CTDP1: variants seen among roughly 807,000 people sequenced by gnomAD.
CTDP1 encodes CTD phosphatase 1.
In CTDP1, 47 loss-of-function variants were observed where a neutral mutation model predicts 91.8. That is an observed-to-expected ratio of 0.51 (90% confidence interval 0.41 to 0.65). The LOEUF (loss-of-function observed/expected upper bound fraction) is 0.65. CTDP1 is among the 30% of genes least tolerant of loss of function. The probability of loss-of-function intolerance (pLI) is 0.00; values close to 1 mark genes in which losing one functional copy is unlikely to be tolerated. For synonymous variants in CTDP1, 656 were observed against 598.5 expected, an observed-to-expected ratio of 1.10 and a Z score of -1.40; for missense variants, 1,272 against 1,373.7, an observed-to-expected ratio of 0.93 and a Z score of 1.17.
intron 3 of CTDP1, among the ~76,000 whole-genome samples, chr18:79,696,297 C>T (rs941245813): frequency 5.3e-5 from 8 of 152,306 alleles, no homozygotes; most frequent in South Asian, 2.1e-4. Context: ...CTCAGGGCCC[C>T]GAGGCTGTGT....
At chr18:79,682,330 G>T (rs2085390963) in intron 1 of CTDP1, among the ~76,000 whole-genome samples, 1 of 152,212 alleles carries the variant, frequency 6.6e-6, no homozygotes, top group African/African-American at 2.4e-5. Flanking sequence ...GAACAGGGTG[G>T]GTTACAAGTG....
At chr18:79,684,546 G>T (rs1201332955) in intron 1 of CTDP1, among the ~76,000 whole-genome samples, 1 of 150,518 alleles carries the variant, frequency 6.6e-6, no homozygotes, top group East Asian at 2.0e-4. Context: ...CAGGCAAGGT[G>T]GGTCCCTGCT....
intron 12 of CTDP1, among the ~76,000 whole-genome samples, chr18:79,739,666 A>T (rs575682040): frequency 6.6e-6 from 1 of 152,242 alleles, no homozygotes; most frequent in Admixed American, 6.5e-5. Context: ...GTTTCACTCT[A>T]TGTCTTACAG....
At chr18:79,700,046 AC>A (rs907722224) in intron 4 of CTDP1, among the ~76,000 whole-genome samples, 2 of 152,102 alleles carry the variant, frequency 1.3e-5, no homozygotes, top group African/African-American at 4.8e-5. Context: ...CCCACATAAG[AC>A]GGCAAACGTA....
intron 3 of CTDP1, among the ~76,000 whole-genome samples, 185 bp from the exon 4 acceptor site, chr18:79,697,675 A>G (rs560493703): frequency 3.3e-4 from 51 of 152,332 alleles, no homozygotes; most frequent in African/African-American, 1.1e-3. Flanking sequence ...TGTGGTCACA[A>G]GCGAGGTTGC....
Position 79,748,677 on chromosome 18 carries a change from C to G in CTDP1, c.2748-4975C>G, listed in dbSNP as rs79678436. Among the ~76,000 whole-genome samples the G allele has an allele frequency of 7.3e-4, 111 of 152,340 alleles. 1 individual carries two copies. The East Asian group carries it at 0.019, about 26-fold the overall frequency. On this transcript the variant is annotated intron_variant, in intron 12 of 12. Coordinates refer to ENST00000613122, the MANE Select transcript of CTDP1 (RefSeq NM_004715.5). Reference sequence around the variant, plus strand: ...GACCACAGCGTCCCCAGCTGTGGATCCACAAGAAACTGTTCCCAGCGAATG... The same window carrying G: ...GACCACAGCGTCCCCAGCTGTGGATGCACAAGAAACTGTTCCCAGCGAATG...
At chr18:79,710,302 A>G (rs1291037033) in intron 5 of CTDP1, 44 bp from the exon 6 acceptor site, 1 of 1,494,702 alleles carries the variant, frequency 6.7e-7, no homozygotes, top group Admixed American at 1.7e-5. Context: ...TGTGACCGAA[A>G]CGTGTCTCAG....
intron 11 of CTDP1, among the ~76,000 whole-genome samples, chr18:79,735,421 C>T (rs571763331): frequency 1.3e-5 from 2 of 152,338 alleles, no homozygotes; most frequent in African/African-American, 4.8e-5. Flanking sequence ...TGAGCGGGGC[C>T]GTGCTCTTGG....
intron 12 of CTDP1, among the ~76,000 whole-genome samples, chr18:79,737,423 A>AG (rs965347461): frequency 2.6e-5 from 4 of 152,080 alleles, no homozygotes; most frequent in Non-Finnish European, 4.4e-5. Context: ...TTTTTTAGTA[A>AG]GGGGGGGATT....
Position 79,679,813 on chromosome 18 carries a change from G to A in CTDP1, c.-135G>A, listed in dbSNP as rs1224796808. On this transcript the variant is annotated 5_prime_UTR_variant, in exon 1 of 13. Transcript: ENST00000613122. ...CACGCGCCCTCCAGGAAGTCGGCGC[G>A]GGCTAGGCGACGGGTGGAAGCCGGT... The A allele has an allele frequency of 1.2e-6, 1 of 855,914 alleles. No individual in the cohort carries two copies. The highest frequency in any genetic ancestry group is 1.8e-5 in the African/African-American group (1 of 56,512). The allele number at this position is 855,914 out of a possible 1,614,324, so 53.0% of individuals were successfully genotyped here. A position where few individuals can be genotyped will look rare whatever the true frequency, so the allele number is the denominator to read the frequency against.
intron 12 of CTDP1, among the ~76,000 whole-genome samples, chr18:79,749,551 G>A (rs1241437370): frequency 2.0e-5 from 3 of 150,048 alleles, no homozygotes; most frequent in Middle Eastern, 3.4e-3. Context: ...CTTGGTGACC[G>A]TCCCGAGCTC....
Position 79,713,056 on chromosome 18 carries a change from T to G in CTDP1, c.948T>G (p.Thr316=). The change falls in exon 7 of 13, where the codon ACT becomes ACG. Residue 316 remains threonine, a synonymous_variant. Transcript: ENST00000613122. The surrounding 1 kb of genome is among the most constrained non-coding windows in gnomAD (Gnocchi z 4.7). ...GGAAGTTTGCCCCCAATCTGATAAC[T>G]GTGAAGAAATATGTATACTTCCAGG... ...DVWKFAPNLI[T]VKKYVYFQGT... 1 of 1,614,232 alleles carries G rather than the reference T, an allele frequency of 6.2e-7. No individual in the cohort carries two copies. Among genetic ancestry groups the G allele is most frequent in the African/African-American group, 1.3e-5 (1 of 75,062 alleles).
chr18:79,700,610 G>T (rs1292693905), intron 4 of CTDP1, among the ~76,000 whole-genome samples: 1 of 152,218 alleles, frequency 6.6e-6, no homozygotes, highest in African/African-American at 2.4e-5. Flanking sequence ...GGAAGAAGCC[G>T]TCTCCGTAAC....
intron 1 of CTDP1, among the ~76,000 whole-genome samples, chr18:79,693,745 A>C (rs1453223788): frequency 1.3e-5 from 2 of 152,040 alleles, no homozygotes; most frequent in South Asian, 4.1e-4. Flanking sequence ...GGTGATCCGC[A>C]CACGCCCATC....
At chr18:79,725,427 A>G (rs980659486) in intron 10 of CTDP1, among the ~76,000 whole-genome samples, 1 of 151,558 alleles carries the variant, frequency 6.6e-6, no homozygotes, top group African/African-American at 2.4e-5. Context: ...TTTCATATTC[A>G]TTTTCCTTAA....
intron 12 of CTDP1, among the ~76,000 whole-genome samples, chr18:79,746,365 C>CGTGCGCGTTCTG (rs1568220051): frequency 0.049 from 7,150 of 145,460 alleles, 1,247 homozygotes; most frequent in East Asian, 0.078. Flanking sequence ...GCGTCCCTCC[C>CGTGCGCGTTCTG]ATGCGCGTTC....
At chr18:79,743,698 A>G (rs1447369948) in intron 12 of CTDP1, among the ~76,000 whole-genome samples, 2 of 152,240 alleles carry the variant, frequency 1.3e-5, no homozygotes, top group African/African-American at 4.8e-5. Flanking sequence ...TGCAGCAGCC[A>G]TGTCTCCGTA....
At chr18:79,747,588 C>T (rs973338618) in intron 12 of CTDP1, among the ~76,000 whole-genome samples, 6 of 152,206 alleles carry the variant, frequency 3.9e-5, no homozygotes, top group African/African-American at 7.2e-5. Flanking sequence ...GAGCCCCCCA[C>T]GCTTGTGTGA....
Position 79,710,362 on chromosome 18 carries a change from G to A in CTDP1, c.789G>A (p.Glu263=), listed in dbSNP as rs1264881529. ...AHTIAGFLDP[E]KKLFSHRILS... ...TTTTCCAAGGCTTTTTAGACCCCGA[G>A]AAGAAGCTTTTTTCTCACCGAATAT... The change falls in exon 6 of 13, where the codon GAG becomes GAA. Residue 263 remains glutamate (E), a synonymous_variant. Transcript: ENST00000613122. 1 of 1,613,768 alleles carries A rather than the reference G, an allele frequency of 6.2e-7. No individual in the cohort carries two copies. Among genetic ancestry groups the A allele is most frequent in the East Asian group, 2.2e-5 (1 of 44,886 alleles).
Sources: allele counts gnomAD v4.1 joint callset (sites outside exome capture counted in the v4.1 genomes callset), GRCh38; gene constraint gnomAD v4.1.1; non-coding constraint Gnocchi (gnomAD v3.1); transcripts MANE v1.5; gene names NCBI Gene and HGNC (gene_info 2026-07-23, HGNC 2026-07-21).